The following SEPTIN3 variants were observed in gnomAD, a reference collection of about 807,000 sequenced individuals.
SEPTIN3 encodes neuronal-specific septin-3.
In SEPTIN3, 15 loss-of-function variants were observed where a neutral mutation model predicts 45.1. That is an observed-to-expected ratio of 0.33 (90% CI 0.22 to 0.51). The LOEUF (loss-of-function observed/expected upper bound fraction) is 0.51. Ranked by LOEUF, SEPTIN3 falls within the 20% of genes least tolerant of loss-of-function variation. The pLI is 0.97. For synonymous variants in SEPTIN3, 148 were observed against 164.8 expected (o/e 0.90, Z 0.78); for missense variants, 289 against 457.2 (o/e 0.63, Z 3.35).
Position 41,996,999 on chromosome 22 carries a change from T to A in SEPTIN3, c.*32T>A. The stretch of plus-strand genomic sequence containing the variant: ...TTTCAAGCGCTGCTTCTCACTCCAT[T>A]CCTCTCAGCTGTTATTGCTGCAGGG... On this transcript the variant is annotated 3_prime_UTR_variant, in exon 12 of 12. Transcript: ENST00000644076. The A allele has an allele frequency of 6.2e-7, 1 of 1,613,646 alleles. No individual in the cohort carries two copies. Among genetic ancestry groups the A allele is most frequent in the Non-Finnish European group, 8.5e-7 (1 of 1,179,800 alleles).
At chr22:41,983,716 T>A (rs1394599867) in intron 3 of SEPTIN3, among the ~76,000 whole-genome samples, 2 of 152,198 alleles carry the variant, frequency 1.3e-5, no homozygotes, top group Admixed American at 6.5e-5. Context: ...TCAGCTTAGT[T>A]GCATTTCTCC....
intron 6 of SEPTIN3, among the ~76,000 whole-genome samples, chr22:41,989,277 G>A (rs2078261728): frequency 6.6e-6 from 1 of 152,096 alleles, no homozygotes; most frequent in Non-Finnish European, 1.5e-5. Context: ...GATGCTCCCA[G>A]GAGAAAGAAA....
At chr22:41,995,501 C>T in intron 11 of SEPTIN3, 1 of 985,604 alleles carries the variant, frequency 1.0e-6, no homozygotes, top group Non-Finnish European at 1.2e-6. Context: ...TGTCTTCTTT[C>T]TCCCTTTCCC....
At chr22:41,970,485 T>G (rs924294561) in intron 1 of SEPTIN3, among the ~76,000 whole-genome samples, 1 of 152,136 alleles carries the variant, frequency 6.6e-6, no homozygotes, top group Admixed American at 6.5e-5. Context: ...TCCCATCTGA[T>G]CCCTCTGTCA....
chr22:41,995,634 A>G (rs2078419940), intron 11 of SEPTIN3: 1 of 985,454 alleles, frequency 1.0e-6, no homozygotes, highest in Non-Finnish European at 1.2e-6. Flanking sequence ...GTCTACTTCC[A>G]GAAATGACTT....
rs563271689 is a variant in SEPTIN3, at chr22:41,995,665, A to G, written c.2505+951A>G. On this transcript the variant is annotated intron_variant, in intron 11 of 11. Coordinates refer to ENST00000644076, the MANE Select transcript of SEPTIN3 (RefSeq NM_001363845.2). The stretch of plus-strand genomic sequence containing the variant: ...GACTTTAGACTGCCTTTCACATAAA[A>G]TCACAAAACTACAGGACAGTACAAA... 13 of 985,400 alleles carry G rather than the reference A, an allele frequency of 1.3e-5. No individual in the cohort carries two copies. The South Asian group carries it at 1.4e-4, about 11-fold the overall frequency. 61.0% of individuals were successfully genotyped at this position (985,400 alleles called of 1,614,324 possible).
intron 2 of SEPTIN3, among the ~76,000 whole-genome samples, chr22:41,977,990 C>T (rs2078057497): frequency 6.6e-6 from 1 of 152,114 alleles, no homozygotes; most frequent in East Asian, 1.9e-4. Context: ...CCTAGGAGAG[C>T]CAGGAGCTGA....
In SEPTIN3 at chr22:41,972,145, T is replaced by A; in HGVS notation, c.653T>A (p.Val218Asp). 1 of 399,098 alleles carries A rather than the reference T, an allele frequency of 2.5e-6. No homozygotes were observed. Among genetic ancestry groups the A allele is most frequent in the Non-Finnish European group, 4.4e-6 (1 of 226,120 alleles). 24.7% of individuals were successfully genotyped at this position (399,098 alleles called of 1,614,324 possible). ...GGCTCGTTGGGCCAGGGGCACCTTG[T>A]CTCAGTGACTGACCACATGCCTACC... is the stretch of plus-strand genomic sequence containing the variant. ...EPGSLGQGHL[V>D]SVTDHMPTRA... Residue 218 changes from valine (V) to aspartate (D), a missense_variant, in exon 2 of 12, where the codon GTC becomes GAC. Physicochemically the swap from Val to Asp is radical, Grantham distance 152 (BLOSUM62 -3). Around this residue, in one of 3 missense-constraint regions of SEPTIN3, gnomAD observed 200 missense variants for 315.1 expected, o/e 0.63. Transcript: ENST00000644076.
intron 4 of SEPTIN3, among the ~76,000 whole-genome samples, chr22:41,986,908 C>T (rs745437263): frequency 1.3e-5 from 2 of 151,848 alleles, no homozygotes; most frequent in Non-Finnish European, 2.9e-5. Context: ...CTGGGGAGTT[C>T]GAGGCTACAG....
chr22:41,998,129 A>G lies in SEPTIN3; in HGVS notation c.*1162A>G, dbSNP rs979660561. 1.3e-5 allele frequency: 2 copies of G among 152,640 alleles called. No homozygotes were observed. The highest frequency in any genetic ancestry group is 2.1e-4 in the South Asian group (1 of 4,830). The allele number at this position is 152,640 out of a possible 1,614,324, so 9.5% of individuals were successfully genotyped here. A position where few individuals can be genotyped will look rare whatever the true frequency, so the allele number is the denominator to read the frequency against. ...GGTGACATTACAGTTAAATTTCCCA[A>G]TTGAAAACAAGCAAACAGACACTCA... On this transcript the variant is annotated 3_prime_UTR_variant, in exon 12 of 12. Coordinates refer to ENST00000644076, the MANE Select transcript of SEPTIN3 (RefSeq NM_001363845.2).
intron 11 of SEPTIN3, chr22:41,995,596 T>C: frequency 1.0e-6 from 1 of 985,480 alleles, no homozygotes; most frequent in Non-Finnish European, 1.2e-6. Context: ...TACTTTAGGT[T>C]CATTCCTATA....
chr22:41,995,981 C>T lies in SEPTIN3; in HGVS notation c.2506-921C>T, dbSNP rs904588177. 14 of 985,074 alleles carry T rather than the reference C, an allele frequency of 1.4e-5. No individual in the cohort carries two copies. In the African/African-American group the frequency reaches 1.7e-4, roughly 12 times the overall value. The allele number at this position is 985,074 out of a possible 1,614,324, so 61.0% of individuals were successfully genotyped here. ...AAAGACAAATTTTTGACCACACCTC[C>T]GTTTTCTCCGTCAGACTTCTCTCCC... On this transcript the variant is annotated intron_variant, in intron 11 of 11. Coordinates refer to ENST00000644076, the MANE Select transcript of SEPTIN3 (RefSeq NM_001363845.2).
intron 3 of SEPTIN3, 196 bp from the exon 4 acceptor site, chr22:41,985,788 C>A: frequency 1.2e-5 from 6 of 510,516 alleles, no homozygotes; most frequent in South Asian, 9.2e-5. Flanking sequence ...TGATGTTTCC[C>A]CAAGGCCCTC....
chr22:41,993,496 T>C (rs2097562), intron 9 of SEPTIN3, among the ~76,000 whole-genome samples: 44,348 of 151,808 alleles, frequency 0.29, 6,972 homozygotes, highest in Admixed American at 0.37. Flanking sequence ...GTATTTTTTA[T>C]TTATCCCCAA....
At chr22:41,970,656 A>G (rs1030514037) in intron 1 of SEPTIN3, among the ~76,000 whole-genome samples, 1 of 152,102 alleles carries the variant, frequency 6.6e-6, no homozygotes, top group Non-Finnish European at 1.5e-5. Flanking sequence ...TTTCAGAAAG[A>G]TGCCACACTT....
chr22:41,971,964 G>A lies in SEPTIN3; in HGVS notation c.472G>A (p.Val158Met), dbSNP rs79835406. The A allele has an allele frequency of 2.7e-3, 1,074 of 399,100 alleles. 4 individuals carry two copies. Among genetic ancestry groups the A allele is most frequent in the Middle Eastern group, 5.0e-3 (8 of 1,590 alleles). 24.7% of individuals were successfully genotyped at this position (399,100 alleles called of 1,614,324 possible). A position where few individuals can be genotyped will look rare whatever the true frequency, so the allele number is the denominator to read the frequency against. The change falls in exon 2 of 12, where the codon GTG (valine) becomes ATG (methionine). Residue 158 changes from valine (V) to methionine (M), a missense_variant. Around this residue, in one of 3 missense-constraint regions of SEPTIN3, gnomAD observed 200 missense variants for 315.1 expected, o/e 0.63. Coordinates refer to ENST00000644076, the MANE Select transcript of SEPTIN3 (RefSeq NM_001363845.2). ...GCCAGGCTCGCCACCTGTGACCCTA[G>A]TGCCAGGGGGCAGGGTCCACTCTGA... ...SSPGSPPVTL[V>M]PGGRVHSEGP... is the part of the protein sequence containing the mutation.
At chr22:41,971,422 G>C in intron 1 of SEPTIN3, 52 bp from the exon 2 acceptor site, 1 of 398,624 alleles carries the variant, frequency 2.5e-6, no homozygotes, top group Middle Eastern at 6.3e-4. Flanking sequence ...GAGACCTCCA[G>C]GCCTGAGCTC....
chr22:41,972,825 C>A lies in SEPTIN3; in HGVS notation c.1333C>A (p.Pro445Thr). The change falls in exon 2 of 12, where the codon CCA becomes ACA. Residue 445 changes from proline to threonine, a missense_variant. Around this residue, in one of 3 missense-constraint regions of SEPTIN3, gnomAD observed 200 missense variants for 315.1 expected, o/e 0.63. Transcript: ENST00000644076. ...VGSVVPVTPD[P>T]ATGKTTLGSV... ...TTCAGTTGTGCCAGTAACCCCAGACCCAGCCACTGGGAAGACCACACTGGG... is the reference window on the plus strand; with the variant it reads ...TTCAGTTGTGCCAGTAACCCCAGACACAGCCACTGGGAAGACCACACTGGG... 5.0e-6 allele frequency: 2 copies of A among 399,170 alleles called. No homozygotes were observed. The highest frequency in any genetic ancestry group is 4.4e-6 in the Non-Finnish European group (1 of 226,162). 24.7% of individuals were successfully genotyped at this position (399,170 alleles called of 1,614,324 possible). A position where few individuals can be genotyped will look rare whatever the true frequency, so the allele number is the denominator to read the frequency against.
intron 3 of SEPTIN3, among the ~76,000 whole-genome samples, chr22:41,983,359 C>T (rs965779338): frequency 6.6e-5 from 10 of 152,242 alleles, no homozygotes; most frequent in African/African-American, 2.2e-4. Context: ...ATGGGCCACA[C>T]TCGGAGTGGC....
Sources: allele counts gnomAD v4.1 joint callset (sites outside exome capture counted in the v4.1 genomes callset), GRCh38; gene constraint gnomAD v4.1.1; regional missense constraint gnomAD v4.1.1; transcripts MANE v1.5; gene names NCBI Gene and HGNC (gene_info 2026-07-23, HGNC 2026-07-21).